CLPP: variants seen among roughly 807,000 people sequenced by gnomAD.
CLPP encodes the protein caseinolytic mitochondrial matrix peptidase proteolytic subunit.
In CLPP, 14 loss-of-function variants were observed where a neutral mutation model predicts 27.4. The observed-to-expected ratio is 0.51, with a 90% CI of 0.34 to 0.80. CLPP has a LOEUF of 0.80. CLPP is among the 30% of genes least tolerant of loss of function. The pLI, the probability that CLPP is intolerant of heterozygous loss-of-function variation, is 0.02. For missense variants in CLPP, 361 were observed against 403.6 expected, an observed-to-expected ratio of 0.89 and a Z score of 0.90; for synonymous variants, 193 against 166.6, an observed-to-expected ratio of 1.16 and a Z score of -1.22.
chr19:6,362,232 C>T (rs865861282), intron 2 of CLPP: 9 of 603,810 alleles, frequency 1.5e-5, no homozygotes, highest in Middle Eastern at 4.3e-4. Context: ...TTTCCTGTGT[C>T]CCTAGCCCCC....
chr19:6,364,273 G>A lies in CLPP; in HGVS notation c.368-179G>A, dbSNP rs145182380. ...TCTTGATTTCCTGACCTTGTGATCC[G>A]CCTGCCTCAGCCTCCCAAAGTGCTG... On this transcript the variant is annotated intron_variant, in intron 3 of 5. Transcript: ENST00000245816. Among the ~76,000 whole-genome samples, 12 of 151,986 alleles carry A rather than the reference G, an allele frequency of 7.9e-5. No individual in the cohort carries two copies. In the East Asian group the frequency reaches 2.1e-3, roughly 27 times the overall value.
At position 6,369,542 on chromosome 19, in the gene CLPP, A is replaced by AG. The variant is rs374266677; in HGVS notation, c.*834dup. Among the ~76,000 whole-genome samples the AG allele has an allele frequency of 3.1e-3, 470 of 152,120 alleles. 2 individuals are homozygous for AG. The highest frequency in any genetic ancestry group is 0.011 in the African/African-American group (443 of 41,510). On this transcript the variant is annotated 3_prime_UTR_variant, in exon 6 of 6. Transcript: ENST00000245816. ...TGGTGGTTGAGCAAAGCCTCAAAGG[A>AG]GGTGAGGGGTGGAGCCTGTGTCCAG...
chr19:6,370,008 G>GA lies in CLPP; in HGVS notation c.*1303dup, dbSNP rs1336132805. On this transcript the variant is annotated 3_prime_UTR_variant, in exon 6 of 6. Transcript: ENST00000245816. ...GATGGCAGCCCTGGCCGAGTGATGAGAAAAAGTCAGATTCTAGCTAGGTGG... is the reference window on the plus strand; with the variant it reads ...GATGGCAGCCCTGGCCGAGTGATGAGAAAAAAGTCAGATTCTAGCTAGGTGG... Among the ~76,000 whole-genome samples, 1 of 152,118 alleles carries GA rather than the reference G, an allele frequency of 6.6e-6. No individual in the cohort carries two copies. The highest frequency in any genetic ancestry group is 1.9e-4 in the East Asian group (1 of 5,196).
chr19:6,368,689 A>T lies in CLPP; in HGVS notation c.813A>T (p.Glu271Asp). The change falls in exon 6 of 6, where the codon GAA becomes GAT. Residue 271 changes from glutamate (E) to aspartate (D), a missense_variant. By Grantham distance (45) the Glu-to-Asp change is conservative. This residue lies in a region of CLPP where 213 missense variants were observed against 280.9 expected (regional missense o/e 0.76). Coordinates refer to ENST00000245816, the MANE Select transcript of CLPP (RefSeq NM_006012.4). ...KEPVEAAPAA[E>D]PVPAST is the part of the protein sequence containing the mutation. ...CTGTAGAAGCAGCGCCGGCAGCAGA[A>T]CCTGTCCCAGCTAGCACCTGAGAGC... is the stretch of plus-strand genomic sequence containing the variant. The T allele has an allele frequency of 6.4e-7, 1 of 1,557,754 alleles. No individual in the cohort carries two copies.
chr19:6,363,819 C>T (rs1051575974), intron 3 of CLPP, among the ~76,000 whole-genome samples: 1 of 150,450 alleles, frequency 6.6e-6, no homozygotes, highest in African/African-American at 2.4e-5. Context: ...TGCATAAACC[C>T]GGGAGGTGGA....
chr19:6,369,573 G>A lies in CLPP; in HGVS notation c.*863G>A, dbSNP rs993096284. Among the ~76,000 whole-genome samples, 1 of 152,212 alleles carries A rather than the reference G, an allele frequency of 6.6e-6. No homozygotes were observed. The highest frequency in any genetic ancestry group is 6.5e-5 in the Admixed American group (1 of 15,274). On this transcript the variant is annotated 3_prime_UTR_variant, in exon 6 of 6. Coordinates refer to ENST00000245816, the MANE Select transcript of CLPP (RefSeq NM_006012.4). ...GGGGTGGAGCCTGTGTCCAGGCAGA[G>A]GGCACAGCCAGTGCAAAGGCCCTGT...
intron 3 of CLPP, among the ~76,000 whole-genome samples, chr19:6,362,912 A>AC (rs1293211653): frequency 6.6e-6 from 1 of 151,952 alleles, no homozygotes; most frequent in African/African-American, 2.4e-5. Flanking sequence ...ACGTAGTGAG[A>AC]CCCCATCTCT....
Position 6,369,079 on chromosome 19 carries a change from A to G in CLPP, c.*369A>G, listed in dbSNP as rs2091875609. 6.6e-6 allele frequency among the ~76,000 whole-genome samples: 1 copy of G among 152,092 alleles called. No homozygotes were observed. On this transcript the variant is annotated 3_prime_UTR_variant, in exon 6 of 6. Coordinates refer to ENST00000245816, the MANE Select transcript of CLPP (RefSeq NM_006012.4). ...TGTTCTTTTGTGAAGAAGACACAAG[A>G]AACCCTCCTCAAAAGAGCTCCATTC...
intron 3 of CLPP, among the ~76,000 whole-genome samples, chr19:6,362,810 G>A (rs2091842701): frequency 6.6e-6 from 1 of 152,048 alleles, no homozygotes; most frequent in Non-Finnish European, 1.5e-5. Context: ...ATTTTAGGCC[G>A]GGCACAGTGG....
At chr19:6,364,775 C>G in intron 4 of CLPP, 136 bp downstream of exon 4, 1 of 845,748 alleles carries the variant, frequency 1.2e-6, no homozygotes, top group Non-Finnish European at 1.8e-6. Flanking sequence ...GTCGCCCAGG[C>G]TGGAGTGCAG....
At position 6,361,948 on chromosome 19, in the gene CLPP, C is replaced by T. The variant is rs756509508; in HGVS notation, c.270+8C>T. On this transcript the variant is annotated splice_region_variant and intron_variant, in intron 2 of 5. Transcript: ENST00000245816. ...GTGTGCGTCATGGGCCCGGTGAGCGCCCCGCGCCGGGACCCTCCCCAGGAC... is the reference window on the plus strand; with the variant it reads ...GTGTGCGTCATGGGCCCGGTGAGCGTCCCGCGCCGGGACCCTCCCCAGGAC... The T allele has an allele frequency of 6.3e-7, 1 of 1,596,328 alleles. No homozygotes were observed. Among genetic ancestry groups the T allele is most frequent in the African/African-American group, 1.3e-5 (1 of 74,800 alleles).
intron 3 of CLPP, among the ~76,000 whole-genome samples, chr19:6,362,980 C>A (rs574276993): frequency 6.6e-6 from 1 of 152,030 alleles, no homozygotes; most frequent in Non-Finnish European, 1.5e-5. Flanking sequence ...GTCCCAGCAA[C>A]TCGGAAGGCT....
At chr19:6,366,923 G>A (rs935271408) in intron 5 of CLPP, among the ~76,000 whole-genome samples, 4 of 151,416 alleles carry the variant, frequency 2.6e-5, no homozygotes, top group South Asian at 2.1e-4. Context: ...GAGCCACCAC[G>A]CCCAGCCATA....
intron 1 of CLPP, 25 bp downstream of exon 1, chr19:6,361,797 G>A: frequency 6.4e-7 from 1 of 1,563,550 alleles, no homozygotes; most frequent in Non-Finnish European, 8.6e-7. Context: ...CGGGGACACG[G>A]TTCGGGGGCT....
chr19:6,364,421 T>C (rs1334140941), intron 3 of CLPP, 31 bp from the exon 4 acceptor site: 1 of 1,583,336 alleles, frequency 6.3e-7, no homozygotes, highest in East Asian at 2.3e-5. Context: ...GGGGAGCTGG[T>C]CCAGCCCCTC....
chr19:6,364,462 G>T lies in CLPP; in HGVS notation c.378G>T (p.Val126=). The change falls in exon 4 of 6, where the codon GTG becomes GTT. Residue 126 remains valine, a synonymous_variant. Transcript: ENST00000245816. ...CTCCCCCGCCCACAGGTGGTGTGGT[G>T]ACCGCGGGCCTGGCCATCTACGACA... The part of the protein sequence containing the change: ...HMYINSPGGV[V]TAGLAIYDTM... The T allele has an allele frequency of 1.9e-6, 3 of 1,607,660 alleles. No homozygotes were observed. The South Asian group carries it at 3.3e-5, about 18-fold the overall frequency.
At chr19:6,367,031 G>A (rs905921226) in intron 5 of CLPP, among the ~76,000 whole-genome samples, 4 of 151,770 alleles carry the variant, frequency 2.6e-5, no homozygotes, top group Non-Finnish European at 4.4e-5. Flanking sequence ...TTGAGTTCAG[G>A]AGTTCAAGAC....
At position 6,368,980 on chromosome 19, in the gene CLPP, T is replaced by G. The variant is rs1379948219; in HGVS notation, c.*270T>G. 1 of 451,754 alleles carries G rather than the reference T, an allele frequency of 2.2e-6. No individual in the cohort carries two copies. Among genetic ancestry groups the G allele is most frequent in the Non-Finnish European group, 4.0e-6 (1 of 252,900 alleles). 28.0% of individuals were successfully genotyped at this position (451,754 alleles called of 1,614,324 possible). ...TGTGTTTCACAGGCCCCTTCTGCTT[T>G]TGTCCTGACCCCAAGAGGCAAGCCA... On this transcript the variant is annotated 3_prime_UTR_variant, in exon 6 of 6. Coordinates refer to ENST00000245816, the MANE Select transcript of CLPP (RefSeq NM_006012.4).
At position 6,369,025 on chromosome 19, in the gene CLPP, C is replaced by G. The variant is rs771314409; in HGVS notation, c.*315C>G. ...AAGCCATGTCTTCCTTCAACAGATT[C>G]TCCTGATCATATCCTATATTCCAGG... On this transcript the variant is annotated 3_prime_UTR_variant, in exon 6 of 6. Coordinates refer to ENST00000245816, the MANE Select transcript of CLPP (RefSeq NM_006012.4). 9.2e-6 allele frequency: 3 copies of G among 327,414 alleles called. No homozygotes were observed. The highest frequency in any genetic ancestry group is 1.7e-5 in the Non-Finnish European group (3 of 177,476). 20.3% of individuals were successfully genotyped at this position (327,414 alleles called of 1,614,324 possible). A position where few individuals can be genotyped will look rare whatever the true frequency, so the allele number is the denominator to read the frequency against.
Sources: allele counts gnomAD v4.1 joint callset (sites outside exome capture counted in the v4.1 genomes callset), GRCh38; gene constraint gnomAD v4.1.1; regional missense constraint gnomAD v4.1.1; transcripts MANE v1.5; gene names NCBI Gene and HGNC (gene_info 2026-07-23, HGNC 2026-07-21).